Variants in ANK2 observed in about 807,000 individuals in gnomAD.
ANK2 encodes ankyrin 2, also known as ankyrin-2.
ANK2 carries 83 observed loss-of-function variants against 360.5 expected under a neutral mutation model. The ratio of observed to expected loss-of-function variants is 0.23; its 90% CI spans 0.19 to 0.28. ANK2 has a LOEUF of 0.28. ANK2 is among the 10% of genes least tolerant of loss of function. The probability of loss-of-function intolerance (pLI) is 1.00; values close to 1 mark genes in which losing one functional copy is unlikely to be tolerated. For synonymous variants in ANK2, 1,740 were observed against 1,759.5 expected (o/e 0.99, Z 0.28); for missense variants, 4,201 against 4,795.7 (o/e 0.88, Z 3.66).
At chr4:113,101,115 A>G (rs11943828) in intron 1 of ANK2, among the ~76,000 whole-genome samples, 73,529 of 151,880 alleles carry the variant, frequency 0.48, 18,812 homozygotes, top group African/African-American at 0.64. Flanking sequence ...ACAACATAAA[A>G]AGTAAACTCT....
intron 2 of ANK2, chr4:113,031,552 A>G (rs2154304558): frequency 6.6e-6 from 1 of 151,886 alleles, no homozygotes; most frequent in South Asian, 2.1e-4. Flanking sequence ...ATATTATTTC[A>G]TCTCCCTCCC....
rs1393147529 is a variant in ANK2, at chr4:113,110,536, G to T, written c.84+60724G>T. Among the ~76,000 whole-genome samples the T allele has an allele frequency of 4.6e-5, 7 of 152,288 alleles. No homozygotes were observed. The East Asian group carries it at 1.2e-3, about 25-fold the overall frequency. On this transcript the variant is annotated intron_variant, in intron 1 of 45. Coordinates refer to ENST00000357077, the MANE Select transcript of ANK2 (RefSeq NM_001148.6). ...AGAAGCTCTTTCAGAGGGAAAAAAA[G>T]AGTTAAATATGATAGCATCCAGAAG...
chr4:113,216,200 A>AGGG, intron 4 of ANK2, among the ~76,000 whole-genome samples: 1 of 152,170 alleles, frequency 6.6e-6, no homozygotes, highest in African/African-American at 2.4e-5. Context: ...AACAGTATAA[A>AGGG]TCTTCATAAA....
intron 2 of ANK2, among the ~76,000 whole-genome samples, chr4:113,178,158 T>C (rs926322583): frequency 6.6e-6 from 1 of 152,140 alleles, no homozygotes; most frequent in African/African-American, 2.4e-5. Context: ...AGTGGGAGGC[T>C]GAGGCAGGAG....
At chr4:112,810,147 ATATATATATATATTTTT>A in the ANK2 span, among the ~76,000 whole-genome samples, 10 of 61,098 alleles carry the variant, frequency 1.6e-4, 1 homozygote, top group East Asian at 1.3e-3. Context: ...ATATATATAT[ATATATATATATATTTTT>A]TTTTTTTTTT....
chr4:113,307,223 C>T (rs1171496055), intron 23 of ANK2, among the ~76,000 whole-genome samples: 3 of 152,108 alleles, frequency 2.0e-5, no homozygotes, highest in Non-Finnish European at 2.9e-5. Flanking sequence ...AGAGGCGCCT[C>T]CTCCTTTGAA....
At chr4:112,911,339 C>T (rs530179167) in intron 2 of ANK2, among the ~76,000 whole-genome samples, 1 of 151,434 alleles carries the variant, frequency 6.6e-6, no homozygotes, top group Non-Finnish European at 1.5e-5. Context: ...CTGGCTAACA[C>T]GGTGAAACCC....
intron 2 of ANK2, among the ~76,000 whole-genome samples, chr4:113,027,741 G>A (rs1033167234): frequency 6.6e-6 from 1 of 152,008 alleles, no homozygotes; most frequent in Admixed American, 6.6e-5. Flanking sequence ...TGCTGATTGG[G>A]AAGTATATAA....
intron 13 of ANK2, among the ~76,000 whole-genome samples, chr4:113,263,471 G>C (rs924420480): frequency 1.3e-5 from 2 of 152,142 alleles, no homozygotes; most frequent in East Asian, 3.8e-4. Context: ...AATTAGAGTA[G>C]ATATCCAATT....
Position 113,239,248 on chromosome 4 carries a change from CTAAG to C in ANK2, c.694-1232_694-1229del, listed in dbSNP as rs373034130. Among the ~76,000 whole-genome samples the C allele has an allele frequency of 2.3e-4, 35 of 152,178 alleles. No homozygotes were observed. The South Asian group carries it at 7.3e-3, about 32-fold the overall frequency. On this transcript the variant is annotated intron_variant, in intron 7 of 45. Coordinates refer to ENST00000357077, the MANE Select transcript of ANK2 (RefSeq NM_001148.6). ...TTCTTATTTTGTGTCTTGCTTCTCT[CTAAG>C]TAAGAAATTATTTGTATCTAATGTT... is the stretch of plus-strand genomic sequence containing the variant.
chr4:112,783,319 G>A, the ANK2 span, among the ~76,000 whole-genome samples: 1 of 152,126 alleles, frequency 6.6e-6, no homozygotes, highest in Non-Finnish European at 1.5e-5. Flanking sequence ...TAACATAATG[G>A]AACACTACTT....
chr4:113,085,749 G>A lies in ANK2; in HGVS notation c.84+35937G>A, dbSNP rs578005991. ...GGCTGGCTGTGAGGAACCTGGCTGG[G>A]AACACATGCCAGCAAAGACCTAAGG... On this transcript the variant is annotated intron_variant, in intron 1 of 45. Transcript: ENST00000357077. Among the ~76,000 whole-genome samples the A allele has an allele frequency of 9.8e-5, 15 of 152,312 alleles. No individual in the cohort carries two copies. The South Asian group carries it at 3.1e-3, about 32-fold the overall frequency.
At chr4:112,865,527 C>T (rs1231946449) in intron 1 of ANK2, among the ~76,000 whole-genome samples, 1 of 152,110 alleles carries the variant, frequency 6.6e-6, no homozygotes, top group African/African-American at 2.4e-5. Flanking sequence ...CTACTTACTG[C>T]CAGTTTTATC....
chr4:113,330,237 A>AATT lies in ANK2; in HGVS notation c.2901-8_2901-6dup. The AATT allele has an allele frequency of 1.9e-6, 3 of 1,612,374 alleles. No individual in the cohort carries two copies. Among genetic ancestry groups the AATT allele is most frequent in the Non-Finnish European group, 2.5e-6 (3 of 1,178,900 alleles). Reference sequence around the variant, plus strand: ...CAAAACATATCTAATCTTCTATTTTAATTTTTAGTTTCCTGGTTAGTTTTA... The same window carrying AATT: ...CAAAACATATCTAATCTTCTATTTTAATTATTTTTAGTTTCCTGGTTAGTTTTA... On this transcript the variant is annotated splice_polypyrimidine_tract_variant and intron_variant, in intron 26 of 45. Transcript: ENST00000357077.
chr4:113,334,556 T>C (rs945013087), intron 29 of ANK2, among the ~76,000 whole-genome samples: 10 of 150,076 alleles, frequency 6.7e-5, no homozygotes, highest in African/African-American at 2.5e-4. Flanking sequence ...ACTAGAAAGT[T>C]AATAGATTAA....
At chr4:113,215,241 C>T (rs1176946684) in intron 4 of ANK2, among the ~76,000 whole-genome samples, 3 of 152,130 alleles carry the variant, frequency 2.0e-5, no homozygotes, top group African/African-American at 7.2e-5. Context: ...CATTAATCCA[C>T]TATTTGTGTG....
chr4:112,925,311 G>A (rs2092386897), intron 2 of ANK2, among the ~76,000 whole-genome samples: 1 of 152,166 alleles, frequency 6.6e-6, no homozygotes, highest in African/African-American at 2.4e-5. Context: ...AGATTAACCT[G>A]AAACGGGTCA....
chr4:113,166,359 C>G (rs973957952), intron 1 of ANK2, among the ~76,000 whole-genome samples: 4 of 151,798 alleles, frequency 2.6e-5, no homozygotes, highest in Non-Finnish European at 4.4e-5. Flanking sequence ...CATGAAATAC[C>G]AAATACAGAT....
the ANK2 span, among the ~76,000 whole-genome samples, chr4:112,725,848 T>C: frequency 6.6e-6 from 1 of 152,142 alleles, no homozygotes; most frequent in East Asian, 1.9e-4. Flanking sequence ...TCTCGAAGAT[T>C]GGTAGCACAA....
Sources: allele counts gnomAD v4.1 joint callset (sites outside exome capture counted in the v4.1 genomes callset), GRCh38; gene constraint gnomAD v4.1.1; transcripts MANE v1.5; gene names NCBI Gene and HGNC (gene_info 2026-07-23, HGNC 2026-07-21).